DLGAP2: variants seen among roughly 807,000 people sequenced by gnomAD.
DLGAP2 encodes the protein DLG associated protein 2.
DLGAP2 carries 26 observed loss-of-function variants against 100.3 expected under a neutral mutation model. The ratio of observed to expected loss-of-function variants is 0.26; its 90% CI spans 0.19 to 0.36. DLGAP2 has a LOEUF of 0.36. DLGAP2 is among the 10% of genes least tolerant of loss of function. The probability of loss-of-function intolerance (pLI) is 1.00; values close to 1 mark genes in which losing one functional copy is unlikely to be tolerated. For synonymous variants in DLGAP2, 886 were observed against 630.1 expected, an observed-to-expected ratio of 1.41 and a Z score of -6.08; for missense variants, 1,858 against 1,453.2, an observed-to-expected ratio of 1.28 and a Z score of -4.53.
At chr8:918,682 C>T (rs149285112) in intron 2 of DLGAP2, among the ~76,000 whole-genome samples, 5 of 152,260 alleles carry the variant, frequency 3.3e-5, no homozygotes, top group Non-Finnish European at 4.4e-5. Context: ...TTGTGTTAAC[C>T]CACCCTGTTA....
chr8:1,349,100 G>C (rs189845649), intron 3 of DLGAP2, among the ~76,000 whole-genome samples: 2 of 151,458 alleles, frequency 1.3e-5, no homozygotes, highest in East Asian at 1.9e-4. Context: ...CTCAGAGAGT[G>C]CTGCCGTTTT....
At chr8:1,695,023 G>A (rs1226591551) in intron 13 of DLGAP2, among the ~76,000 whole-genome samples, 1 of 152,198 alleles carries the variant, frequency 6.6e-6, no homozygotes, top group Non-Finnish European at 1.5e-5. Flanking sequence ...AAGGACGGGT[G>A]TGTTGTTGCC....
chr8:856,281 C>T (rs189855331), intron 1 of DLGAP2, among the ~76,000 whole-genome samples: 31 of 151,220 alleles, frequency 2.0e-4, no homozygotes, highest in Non-Finnish European at 3.5e-4. Context: ...CTTCGCCTCC[C>T]GGGTTCAAGC....
chr8:1,131,468 A>G (rs1796292524), intron 2 of DLGAP2, among the ~76,000 whole-genome samples: 1 of 152,126 alleles, frequency 6.6e-6, no homozygotes, highest in Non-Finnish European at 1.5e-5. Flanking sequence ...TTCACGTCTT[A>G]TAAGTGGCTC....
chr8:1,690,342 C>A (rs539365345), intron 12 of DLGAP2, among the ~76,000 whole-genome samples: 1 of 150,118 alleles, frequency 6.7e-6, no homozygotes, highest in Admixed American at 6.6e-5. Flanking sequence ...GGTGACAGAG[C>A]GAGACTCCAT....
intron 3 of DLGAP2, among the ~76,000 whole-genome samples, chr8:1,343,218 C>T (rs1478027292): frequency 2.0e-5 from 3 of 152,194 alleles, no homozygotes; most frequent in Non-Finnish European, 2.9e-5. Context: ...AGCAAAAGGG[C>T]ACCGATTAAG....
chr8:1,474,846 T>TG, intron 3 of DLGAP2, among the ~76,000 whole-genome samples: 1 of 152,338 alleles, frequency 6.6e-6, no homozygotes, highest in African/African-American at 2.4e-5. Context: ...AACTGAGAGT[T>TG]GAACTACCGT....
At position 1,515,599 on chromosome 8, in the gene DLGAP2, GAC is replaced by G. The variant is rs1033026592; in HGVS notation, c.172+14173_172+14174del. 2.8e-4 allele frequency among the ~76,000 whole-genome samples: 42 copies of G among 151,686 alleles called. 1 individual carries two copies. The highest frequency in any genetic ancestry group is 7.7e-4 in the African/African-American group (32 of 41,326). On this transcript the variant is annotated intron_variant, in intron 4 of 14. Coordinates refer to ENST00000637795, the MANE Select transcript of DLGAP2 (RefSeq NM_001346810.2). ...AATTGCAGACATGCAAAAATATGCA[GAC>G]ACACGTGCATGCACACACACATGCA...
intron 1 of DLGAP2, among the ~76,000 whole-genome samples, chr8:901,147 C>T (rs1164675464): frequency 6.6e-6 from 1 of 152,130 alleles, no homozygotes; most frequent in African/African-American, 2.4e-5. Flanking sequence ...ATTAGCTGGG[C>T]ATGATGTTGT....
At chr8:1,020,957 A>G (rs1490452929) in intron 2 of DLGAP2, among the ~76,000 whole-genome samples, 1 of 152,186 alleles carries the variant, frequency 6.6e-6, no homozygotes, top group Non-Finnish European at 1.5e-5. Flanking sequence ...CAATTAATCA[A>G]TATCCCACTG....
chr8:883,828 C>T (rs1219209953), intron 1 of DLGAP2, among the ~76,000 whole-genome samples: 2 of 152,210 alleles, frequency 1.3e-5, no homozygotes, highest in Non-Finnish European at 2.9e-5. Context: ...GTGTGTTGTT[C>T]CCCTCTCTGT....
chr8:1,118,679 C>A (rs748018845), intron 2 of DLGAP2, among the ~76,000 whole-genome samples: 12 of 152,150 alleles, frequency 7.9e-5, no homozygotes, highest in Non-Finnish European at 1.8e-4. Context: ...GAGCAACCTT[C>A]AAGATCATGA....
At chr8:1,256,450 A>G (rs1176249242) in intron 2 of DLGAP2, among the ~76,000 whole-genome samples, 2,573 of 88,452 alleles carry the variant, frequency 0.029, 248 homozygotes, top group African/African-American at 0.11. Flanking sequence ...TCTCCTGCCC[A>G]GGTGCTGTGC....
At chr8:1,559,932 C>T (rs139954675) in intron 5 of DLGAP2, among the ~76,000 whole-genome samples, 4,124 of 152,326 alleles carry the variant, frequency 0.027, 80 homozygotes, top group Non-Finnish European at 0.045. Flanking sequence ...CTGATCCTGG[C>T]CCCTCCCGTC....
intron 2 of DLGAP2, among the ~76,000 whole-genome samples, chr8:1,008,302 T>C (rs981575244): frequency 2.0e-5 from 3 of 152,228 alleles, no homozygotes; most frequent in Non-Finnish European, 4.4e-5. Context: ...AGTTAAAACA[T>C]TTCAGCTTTG....
At chr8:1,164,487 G>A (rs1206227611) in intron 2 of DLGAP2, among the ~76,000 whole-genome samples, 31 of 152,062 alleles carry the variant, frequency 2.0e-4, no homozygotes, top group Non-Finnish European at 4.1e-4. Context: ...GTCCTGTTGG[G>A]GGAGTTAACC....
At chr8:1,618,819 G>T (rs572171041) in intron 6 of DLGAP2, among the ~76,000 whole-genome samples, 3 of 152,212 alleles carry the variant, frequency 2.0e-5, no homozygotes, top group African/African-American at 4.8e-5. Flanking sequence ...CTTGTTGGGG[G>T]CCCTCTGTGC....
Position 1,029,262 on chromosome 8 carries a change from C to T in DLGAP2, c.73+121296C>T, listed in dbSNP as rs967298765. ...TCCAGATTTGGATGTCAACTGAAGC[C>T]GTAATTCTGGCTGAGGCTGTCTTGG... On this transcript the variant is annotated intron_variant, in intron 2 of 14. Coordinates refer to ENST00000637795, the MANE Select transcript of DLGAP2 (RefSeq NM_001346810.2). Among the ~76,000 whole-genome samples the T allele has an allele frequency of 2.2e-4, 33 of 152,234 alleles. 2 individuals are homozygous for T. The highest frequency in any genetic ancestry group is 2.1e-3 in the Admixed American group (32 of 15,298).
At chr8:1,086,194 T>C (rs537016368) in intron 2 of DLGAP2, among the ~76,000 whole-genome samples, 1 of 152,328 alleles carries the variant, frequency 6.6e-6, no homozygotes, top group African/African-American at 2.4e-5. Flanking sequence ...ATATATAATA[T>C]GGTGTCATCT....
Sources: allele counts gnomAD v4.1 joint callset (sites outside exome capture counted in the v4.1 genomes callset), GRCh38; gene constraint gnomAD v4.1.1; transcripts MANE v1.5; gene names NCBI Gene and HGNC (gene_info 2026-07-23, HGNC 2026-07-21).